The following DCST1 variants were observed in gnomAD, a reference collection of about 807,000 sequenced individuals.
DCST1 encodes the protein E3 ubiquitin-protein ligase DCST1.
DCST1 carries 78 observed loss-of-function variants against 89.1 expected under a neutral mutation model. The observed-to-expected ratio is 0.88, with a 90% CI of 0.73 to 1.06. The LOEUF (loss-of-function observed/expected upper bound fraction) is 1.06. DCST1 is among the 50% of genes least tolerant of loss of function. The pLI, the probability that DCST1 is intolerant of heterozygous loss-of-function variation, is 0.00. For synonymous variants in DCST1, 364 were observed against 371.9 expected, an observed-to-expected ratio of 0.98 and a Z score of 0.24; for missense variants, 900 against 928.6, an observed-to-expected ratio of 0.97 and a Z score of 0.40.
At chr1:155,040,686 G>A (rs1025867159) in intron 6 of DCST1, 62 bp downstream of exon 6, 12 of 1,491,018 alleles carry the variant, frequency 8.0e-6, no homozygotes, top group Non-Finnish European at 1.1e-5. Context: ...GTTAACTTGA[G>A]CTGGGAGTTG....
Position 155,039,527 on chromosome 1 carries a change from T to A in DCST1, c.387T>A (p.Tyr129Ter). 6.3e-7 allele frequency: 1 copy of A among 1,592,928 alleles called. No individual in the cohort carries two copies. ...TGGGATACGCCTTGGCTGCCATCTATGTGGGTGAGTATGTGGGGGCCAGTG... is the reference window on the plus strand; with the variant it reads ...TGGGATACGCCTTGGCTGCCATCTAAGTGGGTGAGTATGTGGGGGCCAGTG... ...FVLGYALAAI[Y>*]VGPVANLRHN... Residue 129 changes from tyrosine to a stop codon, truncating the protein, a stop_gained, in exon 5 of 17, where the codon TAT becomes TAA. Coordinates refer to ENST00000295542, the MANE Select transcript of DCST1 (RefSeq NM_152494.4). LOFTEE classifies it high-confidence loss of function.
chr1:155,034,745 G>A lies in DCST1; in HGVS notation c.262+18G>A, dbSNP rs1311003911. 1.5e-5 allele frequency: 24 copies of A among 1,613,804 alleles called. No homozygotes were observed. The highest frequency in any genetic ancestry group is 1.8e-5 in the Non-Finnish European group (21 of 1,179,916). On this transcript the variant is annotated intron_variant, in intron 4 of 16. Transcript: ENST00000295542. ...CTTGGTGGGTTAGTGCTGGGCAAAA[G>A]CCAGGAACACTCAAGCGGCCTGTGG... is the stretch of plus-strand genomic sequence containing the variant.
At chr1:155,050,089 G>A (rs1186172128) in intron 16 of DCST1, among the ~76,000 whole-genome samples, 2 of 152,230 alleles carry the variant, frequency 1.3e-5, no homozygotes, top group Non-Finnish European at 2.9e-5. Context: ...GGAGTTTCTT[G>A]GGCAAAGAGT....
chr1:155,042,663 G>T (rs1660470689), intron 8 of DCST1, 72 bp from the exon 9 acceptor site: 3 of 1,604,850 alleles, frequency 1.9e-6, no homozygotes. Flanking sequence ...GACTACAGGA[G>T]GACAGGCAGG....
chr1:155,039,923 G>A (rs919539091), intron 5 of DCST1, among the ~76,000 whole-genome samples: 32 of 149,122 alleles, frequency 2.1e-4, no homozygotes, highest in Admixed American at 9.5e-4. Flanking sequence ...CCTGGGAGGC[G>A]GAGCCTGCAG....
intron 9 of DCST1, 108 bp downstream of exon 9, chr1:155,042,964 A>G: frequency 2.0e-6 from 2 of 979,746 alleles, no homozygotes; most frequent in Admixed American, 5.2e-5. Flanking sequence ...GAAAGAGGTG[A>G]CCAGGGGTGA....
intron 4 of DCST1, 60 bp downstream of exon 4, chr1:155,034,787 G>C: frequency 6.3e-7 from 1 of 1,578,290 alleles, no homozygotes; most frequent in East Asian, 2.2e-5. Flanking sequence ...GCGCCGTCCT[G>C]CATGCCCAGG....
chr1:155,049,298 G>A (rs1660771496), intron 16 of DCST1: 3 of 483,240 alleles, frequency 6.2e-6, no homozygotes, highest in Non-Finnish European at 1.1e-5. Context: ...AGTTCCATAT[G>A]CATGCATGTT....
rs752101495 is a variant in DCST1, at chr1:155,047,871, T to G, written c.1697T>G (p.Leu566Arg). The G allele has an allele frequency of 1.9e-6, 3 of 1,614,190 alleles. No homozygotes were observed. Among genetic ancestry groups the G allele is most frequent in the South Asian group, 2.2e-5 (2 of 91,086 alleles). ...ATTGGCCTGTTAGTGTGTCTCTGCC[T>G]GTTACAGGCTTTTGGCTACCGACTC... ...VPIGLLVCLC[L>R]LQAFGYRLRR... Residue 566 changes from leucine to arginine, a missense_variant, in exon 15 of 17, where the codon CTG becomes CGG. Transcript: ENST00000295542.
chr1:155,045,390 G>C (rs1435952199), intron 10 of DCST1: 4 of 194,876 alleles, frequency 2.1e-5, no homozygotes, highest in African/African-American at 9.5e-5. Context: ...GGTGTATTGG[G>C]GGAGGATGGA....
chr1:155,033,859 G>C lies in DCST1; in HGVS notation c.-66+5G>C. 7.8e-7 allele frequency: 1 copy of C among 1,285,350 alleles called. No homozygotes were observed. Among genetic ancestry groups the C allele is most frequent in the Non-Finnish European group, 1.1e-6 (1 of 933,510 alleles). The allele number at this position is 1,285,350 out of a possible 1,614,324, so 79.6% of individuals were successfully genotyped here. A position where few individuals can be genotyped will look rare whatever the true frequency, so the allele number is the denominator to read the frequency against. The stretch of plus-strand genomic sequence containing the variant: ...CGAGGACTGGAGAGGGGATAGGTAG[G>C]TCTCTAATCTCCTTCCCCACTTCTC... On this transcript the variant is annotated splice_donor_5th_base_variant and intron_variant, in intron 1 of 16. Coordinates refer to ENST00000295542, the MANE Select transcript of DCST1 (RefSeq NM_152494.4).
chr1:155,042,264 A>C (rs1269254056), intron 8 of DCST1, among the ~76,000 whole-genome samples: 1 of 152,058 alleles, frequency 6.6e-6, no homozygotes, highest in Non-Finnish European at 1.5e-5. Flanking sequence ...ATGCCCAGCT[A>C]ATTTTTGTAT....
intron 8 of DCST1, 27 bp from the exon 9 acceptor site, chr1:155,042,708 C>G (rs967301585): frequency 6.8e-6 from 11 of 1,613,298 alleles, no homozygotes; most frequent in African/African-American, 1.3e-5. Context: ...CCCGGGGAGG[C>G]CCCTGACCCC....
chr1:155,043,278 G>C (rs1041091911), intron 9 of DCST1, 74 bp from the exon 10 acceptor site: 2 of 1,607,526 alleles, frequency 1.2e-6, no homozygotes, highest in Non-Finnish European at 1.7e-6. Flanking sequence ...CTGGGGAACA[G>C]ATGTCATGAA....
chr1:155,040,507 C>T lies in DCST1; in HGVS notation c.414C>T (p.His138=). Residue 138 remains histidine, a synonymous_variant, in exon 6 of 17, where the codon CAC becomes CAT. Coordinates refer to ENST00000295542, the MANE Select transcript of DCST1 (RefSeq NM_152494.4). Reference sequence around the variant, plus strand: ...CAGGGCCAGTAGCCAATCTGCGACACAATCTCAACAACGTGATCGCATCGC... The same window carrying T: ...CAGGGCCAGTAGCCAATCTGCGACATAATCTCAACAACGTGATCGCATCGC... ...IYVGPVANLR[H]NLNNVIASLG... is the part of the protein sequence containing the mutation. 1 of 1,599,424 alleles carries T rather than the reference C, an allele frequency of 6.3e-7. No homozygotes were observed. Among genetic ancestry groups the T allele is most frequent in the Non-Finnish European group, 8.5e-7 (1 of 1,172,390 alleles).
chr1:155,040,756 C>A, intron 6 of DCST1, 132 bp downstream of exon 6: 2 of 1,352,482 alleles, frequency 1.5e-6, no homozygotes, highest in Non-Finnish European at 2.0e-6. Context: ...CAGAACTATT[C>A]CCAAACATTG....
intron 5 of DCST1, 110 bp downstream of exon 5, chr1:155,039,641 C>T: frequency 7.3e-7 from 1 of 1,367,332 alleles, no homozygotes; most frequent in Non-Finnish European, 9.7e-7. Flanking sequence ...ATCCCAGCTG[C>T]TCTAACTCAC....
Position 155,034,633 on chromosome 1 carries a change from G to A in DCST1, c.188-20G>A, listed in dbSNP as rs1372297281. ...GCTAGGACCCATCTTTTGGCCTTTGGCTTGACCTTGTGCCCTTAGGTCTCT... is the reference window on the plus strand; with the variant it reads ...GCTAGGACCCATCTTTTGGCCTTTGACTTGACCTTGTGCCCTTAGGTCTCT... On this transcript the variant is annotated intron_variant, in intron 3 of 16. Transcript: ENST00000295542. The A allele has an allele frequency of 6.2e-7, 1 of 1,614,054 alleles. No homozygotes were observed. Among genetic ancestry groups the A allele is most frequent in the Non-Finnish European group, 8.5e-7 (1 of 1,180,048 alleles).
intron 16 of DCST1, among the ~76,000 whole-genome samples, chr1:155,048,425 A>G (rs894441592): frequency 6.6e-6 from 1 of 152,160 alleles, no homozygotes; most frequent in African/African-American, 2.4e-5. Flanking sequence ...CCACTCCACA[A>G]GTAGCCAGGA....
Sources: allele counts gnomAD v4.1 joint callset (sites outside exome capture counted in the v4.1 genomes callset), GRCh38; gene constraint gnomAD v4.1.1; transcripts MANE v1.5; gene names NCBI Gene and HGNC (gene_info 2026-07-23, HGNC 2026-07-21).